The following SORCS3 variants were observed in gnomAD, a reference collection of about 807,000 sequenced individuals.
SORCS3 encodes the protein sortilin related VPS10 domain containing receptor 3, also known as VPS10 domain-containing receptor SorCS3.
A neutral mutation model predicts 146.3 loss-of-function variants in SORCS3; 57 were observed. That is an observed-to-expected ratio of 0.39 (90% confidence interval 0.31 to 0.49). The LOEUF is 0.49. Ranked by LOEUF, SORCS3 falls within the 20% of genes least tolerant of loss-of-function variation. The pLI is 0.92. For missense variants in SORCS3, 1,341 were observed against 1,575.5 expected (o/e 0.85, Z 2.52); for synonymous variants, 653 against 618.5 (o/e 1.06, Z -0.83).
intron 1 of SORCS3, among the ~76,000 whole-genome samples, chr10:104,842,246 T>C (rs2018150328): frequency 6.6e-6 from 1 of 152,246 alleles, no homozygotes; most frequent in Admixed American, 6.5e-5. Context: ...AGGCAGATGG[T>C]ATCAGGGGAT....
intron 6 of SORCS3, among the ~76,000 whole-genome samples, chr10:105,093,512 T>A (rs2055724677): frequency 6.6e-6 from 1 of 152,122 alleles, no homozygotes. Context: ...AAGAAAGGAC[T>A]TGTAGCCAGA....
chr10:105,250,368 T>G (rs1416522814), intron 22 of SORCS3, among the ~76,000 whole-genome samples: 1 of 152,184 alleles, frequency 6.6e-6, no homozygotes, highest in Non-Finnish European at 1.5e-5. Flanking sequence ...TTACGTTCAT[T>G]AAAAAGATAC....
chr10:104,871,747 C>T (rs776564894), intron 2 of SORCS3, among the ~76,000 whole-genome samples: 4 of 152,286 alleles, frequency 2.6e-5, no homozygotes, highest in South Asian at 2.1e-4. Context: ...GGTACACGTG[C>T]CCCTGAGACA....
At position 104,867,471 on chromosome 10, in the gene SORCS3, G is replaced by A. The variant is rs180918335; in HGVS notation, c.695+24612G>A. On this transcript the variant is annotated intron_variant, in intron 2 of 26. Coordinates refer to ENST00000369701, the MANE Select transcript of SORCS3 (RefSeq NM_014978.3). ...ACTACAGGTGCCCACCACCACGCCCGGCTAATTTTTTGTATTTTTAGTAGA... is the reference window on the plus strand; with the variant it reads ...ACTACAGGTGCCCACCACCACGCCCAGCTAATTTTTTGTATTTTTAGTAGA... 7.0e-3 allele frequency among the ~76,000 whole-genome samples: 1,059 copies of A among 152,072 alleles called. 6 individuals carry two copies. The highest frequency in any genetic ancestry group is 0.011 in the Non-Finnish European group (727 of 67,972).
chr10:105,134,253 A>AAATTAGGT (rs2056042484), intron 7 of SORCS3, among the ~76,000 whole-genome samples: 4 of 152,182 alleles, frequency 2.6e-5, no homozygotes, highest in Non-Finnish European at 1.5e-5. Context: ...TATGAGGATT[A>AAATTAGGT]AATTAGGTAA....
In SORCS3 at chr10:105,263,992, G is replaced by A. The variant is rs538887517; in HGVS notation, c.*618G>A. 326 of 152,754 alleles carry A rather than the reference G, an allele frequency of 2.1e-3. 8 individuals carry two copies. The highest frequency in any genetic ancestry group is 3.3e-3 in the East Asian group (17 of 5,184). 9.5% of individuals were successfully genotyped at this position (152,754 alleles called of 1,614,324 possible). ...AAGAAAACAGAAAAAAGAAAGATGC[G>A]TGTGTTGGCTTACGCACTGGCCCTC... On this transcript the variant is annotated 3_prime_UTR_variant, in exon 27 of 27. Transcript: ENST00000369701.
intron 3 of SORCS3, among the ~76,000 whole-genome samples, chr10:104,943,543 C>T (rs2133620295): frequency 6.6e-6 from 1 of 152,144 alleles, no homozygotes; most frequent in Non-Finnish European, 1.5e-5. Context: ...ATATAGAAGA[C>T]TAAAAAAATT....
intron 1 of SORCS3, among the ~76,000 whole-genome samples, chr10:104,822,800 C>A (rs1373753657): frequency 6.6e-6 from 1 of 152,120 alleles, no homozygotes; most frequent in Non-Finnish European, 1.5e-5. Context: ...ATATATGGGA[C>A]CAATCTCTGG....
At chr10:104,694,074 G>A (rs11596214) in intron 1 of SORCS3, among the ~76,000 whole-genome samples, 53,634 of 150,844 alleles carry the variant, frequency 0.36, 10,873 homozygotes, top group East Asian at 0.63. Flanking sequence ...TGATTTGCGT[G>A]GTTGTTAGCA....
At chr10:104,962,927 A>T (rs1229962008) in intron 3 of SORCS3, among the ~76,000 whole-genome samples, 2 of 152,226 alleles carry the variant, frequency 1.3e-5, no homozygotes, top group Non-Finnish European at 2.9e-5. Flanking sequence ...AATTGAGATG[A>T]TGCTTCATGT....
chr10:105,151,544 G>C (rs867647122), intron 9 of SORCS3, among the ~76,000 whole-genome samples: 38 of 151,966 alleles, frequency 2.5e-4, no homozygotes, highest in African/African-American at 9.2e-4. Flanking sequence ...AGGTAGCTTG[G>C]GCTGACCTTG....
At chr10:104,689,098 T>C (rs2016083811) in intron 1 of SORCS3, among the ~76,000 whole-genome samples, 2 of 152,242 alleles carry the variant, frequency 1.3e-5, no homozygotes, top group Admixed American at 1.3e-4. Context: ...CCTGCATGAC[T>C]TGCCCTCTTT....
intron 6 of SORCS3, among the ~76,000 whole-genome samples, chr10:105,100,936 G>A (rs763165184): frequency 2.6e-5 from 4 of 152,194 alleles, no homozygotes; most frequent in Admixed American, 6.5e-5. Context: ...GTGCCTCACC[G>A]CTGAAAAGCC....
intron 7 of SORCS3, among the ~76,000 whole-genome samples, chr10:105,130,430 C>G (rs2056010437): frequency 6.6e-6 from 1 of 152,106 alleles, no homozygotes; most frequent in African/African-American, 2.4e-5. Flanking sequence ...AACCCACCCC[C>G]TTTCTCTGCC....
At chr10:105,174,330 G>C (rs2056382466) in intron 13 of SORCS3, among the ~76,000 whole-genome samples, 1 of 152,084 alleles carries the variant, frequency 6.6e-6, no homozygotes, top group African/African-American at 2.4e-5. Context: ...CCATTAATGA[G>C]CTACTGACCT....
At chr10:104,893,062 T>C (rs1293066503) in intron 2 of SORCS3, among the ~76,000 whole-genome samples, 1 of 152,196 alleles carries the variant, frequency 6.6e-6, no homozygotes, top group East Asian at 1.9e-4. Flanking sequence ...GTCTCTGTCA[T>C]GGTCCCTGTT....
At chr10:104,851,608 A>G (rs1235695310) in intron 2 of SORCS3, among the ~76,000 whole-genome samples, 2 of 152,204 alleles carry the variant, frequency 1.3e-5, no homozygotes, top group African/African-American at 4.8e-5. Context: ...TTTCCCTGCC[A>G]GATGTCCATG....
At chr10:105,183,155 G>A (rs2056453310) in intron 14 of SORCS3, among the ~76,000 whole-genome samples, 1 of 152,206 alleles carries the variant, frequency 6.6e-6, no homozygotes, top group Admixed American at 6.5e-5. Context: ...TGGTAGGAAT[G>A]TGCCTGGACA....
intron 20 of SORCS3, among the ~76,000 whole-genome samples, chr10:105,239,273 T>C (rs11192376): frequency 0.088 from 13,430 of 152,242 alleles, 787 homozygotes; most frequent in Admixed American, 0.16. Flanking sequence ...CACATTACTA[T>C]ATAATCTGCT....
Sources: allele counts gnomAD v4.1 joint callset (sites outside exome capture counted in the v4.1 genomes callset), GRCh38; gene constraint gnomAD v4.1.1; transcripts MANE v1.5; gene names NCBI Gene and HGNC (gene_info 2026-07-23, HGNC 2026-07-21).